Variants in MGAT4C observed in about 807,000 individuals in gnomAD.
The protein encoded by MGAT4C is MGAT4 family member C, also known as alpha-1,3-mannosyl-glycoprotein 4-beta-N-acetylglucosaminyltransferase C.
MGAT4C carries 19 observed loss-of-function variants against 40.1 expected under a neutral mutation model. That is an observed-to-expected ratio of 0.47 (90% CI 0.33 to 0.70). MGAT4C has a LOEUF of 0.70. Ranked by LOEUF, MGAT4C falls within the 30% of genes least tolerant of loss-of-function variation. MGAT4C has a pLI of 0.02. For missense variants in MGAT4C, 491 were observed against 563.2 expected, an observed-to-expected ratio of 0.87 and a Z score of 1.30; for synonymous variants, 181 against 187.1, an observed-to-expected ratio of 0.97 and a Z score of 0.27.
At chr12:85,981,922 G>GT (rs1435494747) in intron 4 of MGAT4C, among the ~76,000 whole-genome samples, 4 of 152,066 alleles carry the variant, frequency 2.6e-5, no homozygotes, top group African/African-American at 9.7e-5. Flanking sequence ...CAAAGGTGGT[G>GT]TAACAGAGAT....
intron 2 of MGAT4C, among the ~76,000 whole-genome samples, chr12:86,538,575 C>T (rs1366891386): frequency 1.3e-5 from 2 of 150,400 alleles, no homozygotes; most frequent in African/African-American, 2.4e-5. Context: ...TTCATATTAA[C>T]GTTATGGTGT....
chr12:86,456,080 C>A (rs1957507458), intron 2 of MGAT4C, among the ~76,000 whole-genome samples: 1 of 151,964 alleles, frequency 6.6e-6, no homozygotes, highest in South Asian at 2.1e-4. Flanking sequence ...CCTTCCTATT[C>A]CTCATTCTTC....
intron 3 of MGAT4C, among the ~76,000 whole-genome samples, chr12:86,391,359 A>G (rs1469288810): frequency 6.6e-6 from 1 of 152,220 alleles, no homozygotes; most frequent in Non-Finnish European, 1.5e-5. Context: ...TTGCTGTTTT[A>G]ACAGTATGGG....
intron 1 of MGAT4C, among the ~76,000 whole-genome samples, chr12:86,822,622 G>A (rs1339528109): frequency 6.6e-6 from 1 of 151,070 alleles, no homozygotes; most frequent in East Asian, 1.9e-4. Flanking sequence ...CGATAAAAGA[G>A]TTGCCAGGAA....
intron 1 of MGAT4C, among the ~76,000 whole-genome samples, chr12:86,765,187 G>C (rs947347400): frequency 2.0e-5 from 3 of 152,204 alleles, no homozygotes; most frequent in Admixed American, 1.3e-4. Flanking sequence ...TGATGGAGCT[G>C]AAAGCCAAGG....
chr12:86,188,776 A>G (rs1292844986), intron 1 of MGAT4C, among the ~76,000 whole-genome samples: 2 of 151,982 alleles, frequency 1.3e-5, no homozygotes, highest in Admixed American at 1.3e-4. Flanking sequence ...CTTTCGATTC[A>G]TCTGAGTTTA....
At chr12:86,170,570 A>G (rs1313957151) in intron 1 of MGAT4C, among the ~76,000 whole-genome samples, 2 of 152,224 alleles carry the variant, frequency 1.3e-5, no homozygotes, top group African/African-American at 4.8e-5. Context: ...GTAGTCACTA[A>G]TATTATTTTT....
chr12:86,335,648 T>C (rs1218390188), intron 3 of MGAT4C, among the ~76,000 whole-genome samples: 2 of 152,134 alleles, frequency 1.3e-5, no homozygotes, highest in African/African-American at 4.8e-5. Flanking sequence ...CAAAACTCTT[T>C]ATCTGTGGAA....
chr12:86,420,828 TATAC>T (rs1253046253), intron 3 of MGAT4C, among the ~76,000 whole-genome samples: 4 of 149,730 alleles, frequency 2.7e-5, no homozygotes, highest in African/African-American at 9.8e-5. Flanking sequence ...TGTGTGTATG[TATAC>T]ATACACACAT....
rs1473467428 is a variant in MGAT4C at position 85,971,454 on chromosome 12, A to G, written c.*7835T>C. 3.3e-5 allele frequency: 5 copies of G among 151,278 alleles called. No individual in the cohort carries two copies. The highest frequency in any genetic ancestry group is 6.6e-5 in the Admixed American group (1 of 15,134). 9.4% of individuals were successfully genotyped at this position (151,278 alleles called of 1,614,324 possible). A position where few individuals can be genotyped will look rare whatever the true frequency, so the allele number is the denominator to read the frequency against. ...TTTGTATCACTTTTGTAGCAAACAC[A>G]TGACTCATCATTGCCCAAATCAATT... On this transcript the variant is annotated 3_prime_UTR_variant, in exon 5 of 5. Coordinates refer to ENST00000611864, the MANE Select transcript of MGAT4C (RefSeq NM_001351288.2).
intron 1 of MGAT4C, among the ~76,000 whole-genome samples, chr12:86,076,946 C>T (rs1416726197): frequency 2.0e-5 from 3 of 152,288 alleles, no homozygotes; most frequent in Admixed American, 6.5e-5. Flanking sequence ...AGGCAGGAAG[C>T]ATCCAGCACA....
chr12:86,803,266 A>G (rs1952269415), intron 1 of MGAT4C, among the ~76,000 whole-genome samples: 2 of 151,272 alleles, frequency 1.3e-5, no homozygotes, highest in Non-Finnish European at 3.0e-5. Context: ...AAATCAATTC[A>G]AGATGGATTA....
rs1035220606 is a variant in MGAT4C at position 85,968,342 on chromosome 12, T to C, written c.*10947A>G. 1 of 152,110 alleles carries C rather than the reference T, an allele frequency of 6.6e-6. No individual in the cohort carries two copies. The highest frequency in any genetic ancestry group is 1.9e-4 in the East Asian group (1 of 5,176). 9.4% of individuals were successfully genotyped at this position (152,110 alleles called of 1,614,324 possible). A position where few individuals can be genotyped will look rare whatever the true frequency, so the allele number is the denominator to read the frequency against. On this transcript the variant is annotated 3_prime_UTR_variant, in exon 5 of 5. Transcript: ENST00000611864. ...AGATGTCATCATTAGATTTTATGTG[T>C]TAAAAAGTGGATTTATAGTCTCTAA... is the stretch of plus-strand genomic sequence containing the variant.
intron 3 of MGAT4C, among the ~76,000 whole-genome samples, chr12:86,354,855 C>T (rs1200648410): frequency 4.6e-5 from 7 of 152,110 alleles, no homozygotes; most frequent in African/African-American, 7.2e-5. Flanking sequence ...TGTTACAGCT[C>T]TTAAAGATGG....
intron 3 of MGAT4C, among the ~76,000 whole-genome samples, chr12:86,371,352 AG>A (rs1955710930): frequency 6.6e-6 from 1 of 152,024 alleles, no homozygotes; most frequent in Admixed American, 6.6e-5. Flanking sequence ...ACTTCACCCT[AG>A]GACAATCAAT....
At chr12:86,635,800 C>T (rs1963201652) in intron 2 of MGAT4C, among the ~76,000 whole-genome samples, 1 of 151,690 alleles carries the variant, frequency 6.6e-6, no homozygotes, top group African/African-American at 2.4e-5. Context: ...CCTTGGTCTC[C>T]TGAGTAGCTA....
chr12:86,362,882 A>T (rs1239388254), intron 3 of MGAT4C, among the ~76,000 whole-genome samples: 3 of 151,270 alleles, frequency 2.0e-5, no homozygotes, highest in Non-Finnish European at 2.9e-5. Flanking sequence ...AAAAAAAAAA[A>T]AAGCATATGA....
chr12:86,307,973 G>C (rs995600830), intron 4 of MGAT4C, among the ~76,000 whole-genome samples: 2 of 150,584 alleles, frequency 1.3e-5, no homozygotes, highest in Admixed American at 6.6e-5. Flanking sequence ...AAAGTGCTGG[G>C]ATTACAGGCG....
chr12:85,984,385 T>A (rs1261153355), intron 3 of MGAT4C, among the ~76,000 whole-genome samples: 2 of 152,188 alleles, frequency 1.3e-5, no homozygotes, highest in Non-Finnish European at 2.9e-5. Context: ...TTTGTGTGTG[T>A]GTGTGTGTGT....
Sources: allele counts gnomAD v4.1 joint callset (sites outside exome capture counted in the v4.1 genomes callset), GRCh38; gene constraint gnomAD v4.1.1; transcripts MANE v1.5; gene names NCBI Gene and HGNC (gene_info 2026-07-23, HGNC 2026-07-21).